The following PPP3CA variants were observed in gnomAD, a reference collection of about 807,000 sequenced individuals.
PPP3CA encodes CAM-PRP catalytic subunit.
Under a neutral mutation model 66.5 loss-of-function variants are expected in PPP3CA, and 14 were observed. That is an observed-to-expected ratio of 0.21 (90% CI 0.14 to 0.33). The LOEUF is 0.33. Among genes scored for constraint, PPP3CA ranks in the 10% least tolerant of loss-of-function variants. The pLI, the probability that PPP3CA is intolerant of heterozygous loss-of-function variation, is 1.00. For synonymous variants in PPP3CA, 232 were observed against 226.2 expected (o/e 1.03, Z -0.23); for missense variants, 317 against 639.5 (o/e 0.50, Z 5.44).
chr4:101,312,369 TTAAA>T (rs1267806206), intron 1 of PPP3CA, among the ~76,000 whole-genome samples: 1 of 152,024 alleles, frequency 6.6e-6, no homozygotes, highest in Admixed American at 6.6e-5. Flanking sequence ...AAATTATAAC[TTAAA>T]TTATGTAACA....
intron 6 of PPP3CA, among the ~76,000 whole-genome samples, chr4:101,085,003 C>G (rs889602618): frequency 1.3e-5 from 2 of 152,054 alleles, no homozygotes; most frequent in Non-Finnish European, 2.9e-5. Flanking sequence ...AGTGAATATA[C>G]GACCTTTCCA....
At chr4:101,308,514 T>C (rs915679921) in intron 1 of PPP3CA, among the ~76,000 whole-genome samples, 6 of 152,144 alleles carry the variant, frequency 3.9e-5, no homozygotes, top group African/African-American at 1.2e-4. Context: ...GGCATGATCA[T>C]AGCTCTCTGC....
At chr4:101,145,075 T>C (rs1722927037) in intron 2 of PPP3CA, among the ~76,000 whole-genome samples, 1 of 152,154 alleles carries the variant, frequency 6.6e-6, no homozygotes, top group Non-Finnish European at 1.5e-5. Context: ...ATTGACACAA[T>C]AACCTGCTTT....
intron 12 of PPP3CA, among the ~76,000 whole-genome samples, chr4:101,031,058 T>G (rs1190778246): frequency 3.8e-5 from 5 of 132,064 alleles, no homozygotes; most frequent in Admixed American, 1.4e-4. Flanking sequence ...CATTTAAAAA[T>G]TTTTGTCTTT....
chr4:101,026,037 T>C lies in PPP3CA; in HGVS notation c.1394A>G (p.His465Arg), dbSNP rs1374390478. 6.2e-7 allele frequency: 1 copy of C among 1,600,198 alleles called. No homozygotes were observed. Among genetic ancestry groups the C allele is most frequent in the East Asian group, 2.2e-5 (1 of 44,766 alleles). ...DEAIKGFSPQ[H>R]KITSFEEAKG... ...GGCTTCCTCGAAGCTAGTGATCTTATGTTGTGGTGAAAATCCTTTGATAGC... is the reference window on the plus strand; with the variant it reads ...GGCTTCCTCGAAGCTAGTGATCTTACGTTGTGGTGAAAATCCTTTGATAGC... Residue 465 changes from histidine to arginine, a missense_variant, in exon 14 of 14, where the codon CAT becomes CGT. His to Arg is a conservative substitution (Grantham distance 29, BLOSUM62 0). Transcript: ENST00000394854.
intron 10 of PPP3CA, among the ~76,000 whole-genome samples, chr4:101,044,783 G>T (rs1727686601): frequency 6.6e-6 from 1 of 152,140 alleles, no homozygotes; most frequent in African/African-American, 2.4e-5. Flanking sequence ...GATCTTTAAA[G>T]ATTTGCTTTT....
intron 2 of PPP3CA, among the ~76,000 whole-genome samples, chr4:101,180,434 G>A (rs796744430): frequency 2.6e-5 from 4 of 152,218 alleles, no homozygotes; most frequent in African/African-American, 9.6e-5. Flanking sequence ...CACTCTCCTT[G>A]CAGGCCATTT....
At chr4:101,141,471 T>C (rs1174781085) in intron 2 of PPP3CA, among the ~76,000 whole-genome samples, 2 of 152,206 alleles carry the variant, frequency 1.3e-5, no homozygotes, top group African/African-American at 4.8e-5. Context: ...TCATTAATTT[T>C]GCTTCGGCCA....
chr4:101,308,598 A>G (rs1235514474), intron 1 of PPP3CA, among the ~76,000 whole-genome samples: 1 of 151,992 alleles, frequency 6.6e-6, no homozygotes, highest in Non-Finnish European at 1.5e-5. Flanking sequence ...GGCACCCACC[A>G]CCATACCCAG....
At chr4:101,030,124 C>T (rs1726874926) in intron 12 of PPP3CA, among the ~76,000 whole-genome samples, 1 of 152,128 alleles carries the variant, frequency 6.6e-6, no homozygotes, top group African/African-American at 2.4e-5. Context: ...TAAACTTCCA[C>T]TATATAAGTA....
chr4:101,084,752 T>G (rs999149545), intron 6 of PPP3CA, among the ~76,000 whole-genome samples: 2 of 152,222 alleles, frequency 1.3e-5, no homozygotes, highest in Admixed American at 1.3e-4. Flanking sequence ...TCTGTTCATG[T>G]GCCCATGTGT....
At chr4:101,227,102 G>C (rs1175583739) in intron 1 of PPP3CA, among the ~76,000 whole-genome samples, 1 of 132,306 alleles carries the variant, frequency 7.6e-6, no homozygotes, top group Non-Finnish European at 1.6e-5. Context: ...GTAATGGTAG[G>C]TAGGTGTGTA....
In PPP3CA at chr4:101,025,108, G is replaced by T. The variant is rs1413095547; in HGVS notation, c.*757C>A. 6.6e-6 allele frequency: 1 copy of T among 152,238 alleles called. No individual in the cohort carries two copies. The highest frequency in any genetic ancestry group is 1.5e-5 in the Non-Finnish European group (1 of 67,960). 9.4% of individuals were successfully genotyped at this position (152,238 alleles called of 1,614,324 possible). The stretch of plus-strand genomic sequence containing the variant: ...ACCCCTAAATATAAACGGCAAAAAA[G>T]ATAGATATAATTATTCCAGTTTTTT... On this transcript the variant is annotated 3_prime_UTR_variant, in exon 14 of 14. Coordinates refer to ENST00000394854, the MANE Select transcript of PPP3CA (RefSeq NM_000944.5).
At chr4:101,327,124 A>C (rs987619822) in intron 1 of PPP3CA, among the ~76,000 whole-genome samples, 1 of 152,244 alleles carries the variant, frequency 6.6e-6, no homozygotes, top group African/African-American at 2.4e-5. Flanking sequence ...AGCTCAGCAT[A>C]AGAGTGAAAG....
chr4:101,255,152 T>A (rs970270959), intron 1 of PPP3CA, among the ~76,000 whole-genome samples: 73 of 151,892 alleles, frequency 4.8e-4, no homozygotes, highest in Non-Finnish European at 9.7e-4. Flanking sequence ...TGTTACAGAT[T>A]TAAAAATCAC....
At chr4:101,039,697 C>T (rs1210328657) in intron 11 of PPP3CA, among the ~76,000 whole-genome samples, 1 of 143,708 alleles carries the variant, frequency 7.0e-6, no homozygotes, top group Non-Finnish European at 1.6e-5. Context: ...ATCAAAAGAG[C>T]CAGTGTCGAT....
Position 101,098,323 on chromosome 4 carries a change from T to C in PPP3CA, c.642+44A>G, listed in dbSNP as rs574430794. The C allele has an allele frequency of 1.4e-4, 218 of 1,537,474 alleles. 1 individual carries two copies. The South Asian group carries it at 2.3e-3, about 16-fold the overall frequency. ...GTAATTAATGTCTTCTATTTATTAC[T>C]GTAGCGCACAAAATGATTAGACTTG... On this transcript the variant is annotated intron_variant, in intron 5 of 13. Coordinates refer to ENST00000394854, the MANE Select transcript of PPP3CA (RefSeq NM_000944.5).
chr4:101,278,421 C>T (rs1727579233), intron 1 of PPP3CA, among the ~76,000 whole-genome samples: 1 of 152,160 alleles, frequency 6.6e-6, no homozygotes, highest in African/African-American at 2.4e-5. Flanking sequence ...CTCCTCATCA[C>T]TCCCTCTACC....
At position 101,032,165 on chromosome 4, in the gene PPP3CA, C is replaced by T. The variant is rs2851060; in HGVS notation, c.1339+102G>A. On this transcript the variant is annotated intron_variant, in intron 12 of 13. Transcript: ENST00000394854. ...CCTTCTGCCAGCTGAGAAGAAGAACCGAAGACCAAGACAGAGCTTAAATGA... is the reference window on the plus strand; with the variant it reads ...CCTTCTGCCAGCTGAGAAGAAGAACTGAAGACCAAGACAGAGCTTAAATGA... 0.73 allele frequency: 651,371 copies of T among 887,348 alleles called. 246,529 individuals carry two copies. Among genetic ancestry groups the T allele is most frequent in the African/African-American group, 0.88 (50,082 of 56,850 alleles). 55.0% of individuals were successfully genotyped at this position (887,348 alleles called of 1,614,324 possible).
Sources: gnomAD v4.1 joint callset for allele counts (sites outside exome capture counted in the v4.1 genomes callset) on GRCh38, gnomAD v4.1.1 for gene constraint, MANE v1.5 for transcripts, NCBI Gene and HGNC (gene_info 2026-07-23, HGNC 2026-07-21) for gene names.